Variants in CEACAM4 observed in about 807,000 individuals in gnomAD.
The protein encoded by CEACAM4 is cell adhesion molecule CEACAM4.
CEACAM4 carries 30 observed loss-of-function variants against 28.7 expected under a neutral mutation model. The observed-to-expected ratio is 1.05, with a 90% CI of 0.78 to 1.42. CEACAM4 has a LOEUF of 1.42. Ranked by LOEUF, CEACAM4 falls within the 40% of genes most tolerant of loss-of-function variation. CEACAM4 has a pLI of 0.00. For synonymous variants in CEACAM4, 143 were observed against 126.5 expected (o/e 1.13, Z -0.87); for missense variants, 330 against 308.2 (o/e 1.07, Z -0.53).
chr19:41,619,921 G>A (rs534346388), intron 5 of CEACAM4, among the ~76,000 whole-genome samples: 8 of 152,228 alleles, frequency 5.3e-5, no homozygotes, highest in South Asian at 4.2e-4. Context: ...GGCCCACCCC[G>A]CACCCTTGTT....
chr19:41,619,425 C>T (rs782410337), intron 6 of CEACAM4, 30 bp from the exon 7 acceptor site: 4 of 1,610,886 alleles, frequency 2.5e-6, no homozygotes, highest in Non-Finnish European at 2.5e-6. Context: ...GCCTCAACCC[C>T]TGTAGCCTTC....
In CEACAM4 at chr19:41,621,745, C is replaced by T; in HGVS notation, c.448G>A (p.Val150Met). 6.2e-7 allele frequency: 1 copy of T among 1,611,848 alleles called. No homozygotes were observed. The highest frequency in any genetic ancestry group is 2.2e-5 in the East Asian group (1 of 44,872). ...GTCACGATGCCAGCGACGGCCCCCACAGGAAGGCCTGGGACGTTGTTTTCT... is the reference window on the plus strand; with the variant it reads ...GTCACGATGCCAGCGACGGCCCCCATAGGAAGGCCTGGGACGTTGTTTTCT... ...VHQNNVPGLPVGAVAGIVTGV... is the reference protein window; with the variant it reads ...VHQNNVPGLPMGAVAGIVTGV... Residue 150 changes from valine to methionine, a missense_variant, in exon 3 of 7, where the codon GTG becomes ATG. Transcript: ENST00000221954.
chr19:41,623,168 C>A (rs553634040), intron 2 of CEACAM4, among the ~76,000 whole-genome samples: 3 of 152,292 alleles, frequency 2.0e-5, no homozygotes, highest in African/African-American at 7.2e-5. Context: ...AGGCACCCAC[C>A]ACCATGCCTG....
At chr19:41,620,112 GGT>G in intron 5 of CEACAM4, 97 bp downstream of exon 5, 1 of 1,104,310 alleles carries the variant, frequency 9.1e-7, no homozygotes, top group African/African-American at 1.6e-5. Flanking sequence ...TCTGGGGAAA[GGT>G]GGGTCAGTGC....
At chr19:41,617,797 G>T (rs539555897), downstream of CEACAM4, among the ~76,000 whole-genome samples, 6 of 152,288 alleles carry the variant, frequency 3.9e-5, no homozygotes, top group East Asian at 1.2e-3. Flanking sequence ...AGCCATGTGG[G>T]CACTTTGGTT....
At chr19:41,622,837 CATATATATACAT>C (rs1568653720) in intron 2 of CEACAM4, among the ~76,000 whole-genome samples, 13,923 of 144,098 alleles carry the variant, frequency 0.097, 1,189 homozygotes, top group East Asian at 0.34. Flanking sequence ...TGATCTCTAG[CATATATATACAT>C]ATATATAGAT....
chr19:41,626,952 G>T lies in CEACAM4; in HGVS notation c.12C>A (p.Pro4=), dbSNP rs144781407. MGP[P]SAAPRGGHRP... ...TGTGCCCTCCACGGGGAGCGGCTGA[G>T]GGGGGGCCCATGGTCTCTGCTGCCT... The change falls in exon 1 of 7, where the codon CCC becomes CCA. Residue 4 remains proline (P), a synonymous_variant. Coordinates refer to ENST00000221954, the MANE Select transcript of CEACAM4 (RefSeq NM_001817.4). The T allele has an allele frequency of 3.7e-6, 6 of 1,601,928 alleles. No individual in the cohort carries two copies. Among genetic ancestry groups the T allele is most frequent in the East Asian group, 2.3e-5 (1 of 44,034 alleles).
At chr19:41,615,815 G>C (rs2070976691), downstream of CEACAM4, among the ~76,000 whole-genome samples, 1 of 152,158 alleles carries the variant, frequency 6.6e-6, no homozygotes, top group Non-Finnish European at 1.5e-5. Context: ...TGTGTGACTA[G>C]CAGGGACACT....
At chr19:41,620,289 G>A (rs1046641710) in intron 4 of CEACAM4, 47 bp from the exon 5 acceptor site, 2 of 1,412,146 alleles carry the variant, frequency 1.4e-6, no homozygotes, top group South Asian at 3.2e-5. Flanking sequence ...GGAGAGCCTG[G>A]GCCCCTCCTG....
intron 2 of CEACAM4, among the ~76,000 whole-genome samples, chr19:41,623,157 C>A (rs1254859365): frequency 6.6e-6 from 1 of 152,196 alleles, no homozygotes; most frequent in East Asian, 1.9e-4. Context: ...TCTAGGATTA[C>A]AGGCACCCAC....
intron 4 of CEACAM4, 81 bp downstream of exon 4, chr19:41,620,494 G>A: frequency 8.1e-7 from 1 of 1,231,024 alleles, no homozygotes; most frequent in Non-Finnish European, 1.1e-6. Flanking sequence ...AGGGTCAGAG[G>A]CCCCCAGGGG....
At chr19:41,619,853 C>T in intron 5 of CEACAM4, 142 bp from the exon 6 acceptor site, 1 of 750,178 alleles carries the variant, frequency 1.3e-6, no homozygotes, top group Non-Finnish European at 2.1e-6. Context: ...TTGACCAGCT[C>T]TGCCCCTGAG....
In CEACAM4 at chr19:41,619,076, C is replaced by G. The variant is rs1270000049; in HGVS notation, c.*254G>C. ...GGTGACCCCGGGTGGGCCACAGGCC[C>G]ATTCACTTTCCTTGCAAGCCCCCGC... On this transcript the variant is annotated 3_prime_UTR_variant, in exon 7 of 7. Coordinates refer to ENST00000221954, the MANE Select transcript of CEACAM4 (RefSeq NM_001817.4). The G allele has an allele frequency of 5.7e-6, 3 of 528,892 alleles. No homozygotes were observed. The highest frequency in any genetic ancestry group is 1.0e-5 in the Non-Finnish European group (3 of 300,288). 32.8% of individuals were successfully genotyped at this position (528,892 alleles called of 1,614,324 possible).
chr19:41,624,866 A>C (rs1278873684), intron 2 of CEACAM4, among the ~76,000 whole-genome samples: 1 of 152,216 alleles, frequency 6.6e-6, no homozygotes, highest in Non-Finnish European at 1.5e-5. Context: ...CATCAACAGC[A>C]TCTGTTATTT....
downstream of CEACAM4, among the ~76,000 whole-genome samples, chr19:41,616,495 AGAT>A (rs2070984791): frequency 1.2e-4 from 1 of 8,428 alleles, no homozygotes. Flanking sequence ...GATGATAGAT[AGAT>A]AGATAGATAG....
In CEACAM4 at chr19:41,624,663, C is replaced by T. The variant is rs542752802; in HGVS notation, c.424+938G>A. ...GAAGGAGAGGACGTGGCAGCAGCTG[C>T]AGACAGCCCTCATGTGACTCTGCCA... On this transcript the variant is annotated intron_variant, in intron 2 of 6. Coordinates refer to ENST00000221954, the MANE Select transcript of CEACAM4 (RefSeq NM_001817.4). Among the ~76,000 whole-genome samples, 24 of 152,342 alleles carry T rather than the reference C, an allele frequency of 1.6e-4. No individual in the cohort carries two copies. The South Asian group carries it at 4.6e-3, about 29-fold the overall frequency.
downstream of CEACAM4, among the ~76,000 whole-genome samples, chr19:41,616,040 T>C (rs886435227): frequency 3.9e-5 from 6 of 152,108 alleles, no homozygotes; most frequent in Non-Finnish European, 8.8e-5. Flanking sequence ...TTTGTTTTGT[T>C]TTGTTTTTAG....
intron 4 of CEACAM4, 75 bp downstream of exon 4, chr19:41,620,500 A>AG: frequency 7.6e-7 from 1 of 1,311,648 alleles, no homozygotes; most frequent in South Asian, 1.3e-5. Context: ...AGAGGCCCCC[A>AG]GGGGGTGACT....
intron 2 of CEACAM4, among the ~76,000 whole-genome samples, chr19:41,625,048 G>A (rs781844115): frequency 3.3e-5 from 5 of 152,120 alleles, no homozygotes; most frequent in African/African-American, 9.7e-5. Context: ...CCCTCTCCAG[G>A]CTGAGTCCCA....
Sources: gnomAD v4.1 joint callset for allele counts (sites outside exome capture counted in the v4.1 genomes callset) on GRCh38, gnomAD v4.1.1 for gene constraint, MANE v1.5 for transcripts, NCBI Gene and HGNC (gene_info 2026-07-23, HGNC 2026-07-21) for gene names.